Variants in CYP19A1 observed in about 807,000 individuals in gnomAD.
CYP19A1 encodes the protein cytochrome P450 family 19 subfamily A member 1.
CYP19A1 carries 32 observed loss-of-function variants against 44.4 expected under a neutral mutation model. The ratio of observed to expected loss-of-function variants is 0.72; its 90% CI spans 0.54 to 0.97. CYP19A1 has a LOEUF of 0.97. Ranked by LOEUF, CYP19A1 falls within the 50% of genes least tolerant of loss-of-function variation. The probability of loss-of-function intolerance (pLI) is 0.00; values close to 1 mark genes in which losing one functional copy is unlikely to be tolerated. For missense variants in CYP19A1, 598 were observed against 637.8 expected (o/e 0.94, Z 0.67); for synonymous variants, 212 against 215.6 (o/e 0.98, Z 0.14).
chr15:51,293,970 G>A lies in CYP19A1; in HGVS notation c.-39+44525C>T, dbSNP rs555323443. On this transcript the variant is annotated intron_variant, in intron 1 of 9. Coordinates refer to ENST00000396402, the MANE Select transcript of CYP19A1 (RefSeq NM_000103.4). Reference sequence around the variant, plus strand: ...TGTGCCAAGACTGCAGCCTCTGCCCGGCCGCCACCCCGTCTGGGAAGTGAG... The same window carrying A: ...TGTGCCAAGACTGCAGCCTCTGCCCAGCCGCCACCCCGTCTGGGAAGTGAG... 5.1e-3 allele frequency: 1,054 copies of A among 206,972 alleles called. 4 individuals are homozygous for A. Among genetic ancestry groups the A allele is most frequent in the Non-Finnish European group, 8.6e-3 (892 of 103,680 alleles). The allele number at this position is 206,972 out of a possible 1,614,324, so 12.8% of individuals were successfully genotyped here. A position where few individuals can be genotyped will look rare whatever the true frequency, so the allele number is the denominator to read the frequency against.
At chr15:51,337,512 AAC>A (rs1197273991) in intron 1 of CYP19A1, among the ~76,000 whole-genome samples, 3 of 152,262 alleles carry the variant, frequency 2.0e-5, no homozygotes, top group Non-Finnish European at 2.9e-5. Flanking sequence ...GCAGTTAAAA[AAC>A]AGTTTCAAGG....
intron 1 of CYP19A1, among the ~76,000 whole-genome samples, chr15:51,262,287 A>G (rs892822348): frequency 6.6e-6 from 1 of 152,228 alleles, no homozygotes; most frequent in Admixed American, 6.5e-5. Context: ...CTTGCTGTCA[A>G]TAAATATGTG....
chr15:51,267,768 A>G (rs1443303601), intron 1 of CYP19A1, among the ~76,000 whole-genome samples: 1 of 152,090 alleles, frequency 6.6e-6, no homozygotes, highest in African/African-American at 2.4e-5. Context: ...TCCAAGCGGG[A>G]CCCCTTCTGA....
intron 1 of CYP19A1, among the ~76,000 whole-genome samples, chr15:51,297,389 CG>C (rs1448033648): frequency 6.6e-6 from 1 of 152,164 alleles, no homozygotes; most frequent in East Asian, 1.9e-4. Flanking sequence ...CTAGGTCCAC[CG>C]GGGGAGACAG....
intron 1 of CYP19A1, among the ~76,000 whole-genome samples, chr15:51,253,204 C>G (rs28757157): frequency 6.6e-6 from 1 of 151,958 alleles, no homozygotes; most frequent in African/African-American, 2.4e-5. Context: ...GAGGAAGAAA[C>G]GAGATAAAGC....
In CYP19A1 at chr15:51,210,879, G is replaced by A; in HGVS notation, c.1441C>T (p.Pro481Ser). 2 of 1,588,172 alleles carry A rather than the reference G, an allele frequency of 1.3e-6. No individual in the cohort carries two copies. Among genetic ancestry groups the A allele is most frequent in the Non-Finnish European group, 1.7e-6 (2 of 1,156,376 alleles). The change falls in exon 10 of 10, where the codon CCA becomes TCA. Residue 481 changes from proline (P) to serine (S), a missense_variant. Coordinates refer to ENST00000396402, the MANE Select transcript of CYP19A1 (RefSeq NM_000103.4). ...IQKIHDLSLH[P>S]DETKNMLEMI... ...TCCAGCATGTTTTTAGTCTCATCTG[G>A]GTGCAAGGACAAGTCGTGTATCTTC...
chr15:51,294,324 C>T (rs1254455444), intron 1 of CYP19A1, among the ~76,000 whole-genome samples: 45 of 146,774 alleles, frequency 3.1e-4, no homozygotes, highest in African/African-American at 8.5e-4. Flanking sequence ...TCTGCCCCGC[C>T]GCCCCGTCTG....
At chr15:51,294,360 C>CCG (rs2035926960) in intron 1 of CYP19A1, among the ~76,000 whole-genome samples, 1 of 151,190 alleles carries the variant, frequency 6.6e-6, no homozygotes, top group Non-Finnish European at 1.5e-5. Context: ...CTCTGCCCGG[C>CCG]CGCGACCCCA....
intron 1 of CYP19A1, among the ~76,000 whole-genome samples, chr15:51,317,274 A>AT (rs974912766): frequency 5.3e-5 from 8 of 151,178 alleles, no homozygotes; most frequent in East Asian, 1.9e-4. Flanking sequence ...GCTAATTATT[A>AT]TTTTTTTTGT....
intron 1 of CYP19A1, among the ~76,000 whole-genome samples, chr15:51,324,604 A>T (rs984789775): frequency 6.6e-6 from 1 of 152,280 alleles, no homozygotes; most frequent in African/African-American, 2.4e-5. Context: ...TATAAACTAA[A>T]ACATAATTAT....
chr15:51,298,770 C>CTGCTGATCA (rs2036051003), intron 1 of CYP19A1, among the ~76,000 whole-genome samples: 1 of 152,270 alleles, frequency 6.6e-6, no homozygotes, highest in Admixed American at 6.5e-5. Flanking sequence ...AGCTCAACTG[C>CTGCTGATCA]TGCTGATCAT....
intron 1 of CYP19A1, among the ~76,000 whole-genome samples, chr15:51,323,151 C>T (rs1471494103): frequency 2.0e-5 from 3 of 152,188 alleles, no homozygotes; most frequent in African/African-American, 7.2e-5. Context: ...GGGCCTCTCC[C>T]CAAACCCCTA....
chr15:51,309,374 G>A (rs1480551626), intron 1 of CYP19A1, among the ~76,000 whole-genome samples: 1 of 152,198 alleles, frequency 6.6e-6, no homozygotes, highest in Admixed American at 6.5e-5. Flanking sequence ...TTGTTATAGT[G>A]ATTTGAACTA....
chr15:51,275,241 C>T (rs2035265459), intron 1 of CYP19A1, among the ~76,000 whole-genome samples: 1 of 152,214 alleles, frequency 6.6e-6, no homozygotes, highest in South Asian at 2.1e-4. Context: ...CCACCACGGC[C>T]ACAGCCTAAA....
chr15:51,252,934 C>G (rs16964221), intron 1 of CYP19A1, among the ~76,000 whole-genome samples: 21,974 of 152,032 alleles, frequency 0.14, 2,807 homozygotes, highest in African/African-American at 0.33. Context: ...GGAAGGTCAC[C>G]TATGGCTTTA....
chr15:51,254,271 A>G (rs915784629), intron 1 of CYP19A1, among the ~76,000 whole-genome samples: 2 of 152,234 alleles, frequency 1.3e-5, no homozygotes, highest in African/African-American at 4.8e-5. Context: ...AAAATTTTTC[A>G]TCTAATTTAA....
At chr15:51,238,606 A>G (rs2033555084) in intron 2 of CYP19A1, among the ~76,000 whole-genome samples, 1 of 152,128 alleles carries the variant, frequency 6.6e-6, no homozygotes, top group South Asian at 2.1e-4. Context: ...CTTTTGCCTC[A>G]GCCTCCCGAG....
intron 1 of CYP19A1, among the ~76,000 whole-genome samples, chr15:51,283,075 T>C (rs918022922): frequency 5.9e-5 from 9 of 152,016 alleles, no homozygotes; most frequent in Non-Finnish European, 1.0e-4. Context: ...TTTTGGTCAA[T>C]GTGAGTGATA....
At chr15:51,236,669 G>C (rs1441032560) in intron 3 of CYP19A1, among the ~76,000 whole-genome samples, 190 bp downstream of exon 3, 1 of 152,122 alleles carries the variant, frequency 6.6e-6, no homozygotes, top group Non-Finnish European at 1.5e-5. Context: ...ATGTACTGCT[G>C]GCTTCAATTC....
Sources: gnomAD v4.1 joint callset for allele counts (sites outside exome capture counted in the v4.1 genomes callset) on GRCh38, gnomAD v4.1.1 for gene constraint, MANE v1.5 for transcripts, NCBI Gene and HGNC (gene_info 2026-07-23, HGNC 2026-07-21) for gene names.